OR51B5: variants seen among roughly 807,000 people sequenced by gnomAD.
OR51B5 encodes olfactory receptor 51B5.
For synonymous variants in OR51B5, 186 were observed against 144.8 expected (o/e 1.28, Z -2.04); for missense variants, 456 against 374.6 (o/e 1.22, Z -1.79).
At chr11:5,416,957 C>A (rs1850253940) in intron 1 of OR51B5, among the ~76,000 whole-genome samples, 1 of 146,824 alleles carries the variant, frequency 6.8e-6, no homozygotes. Flanking sequence ...CAAAAAAGAG[C>A]CCGCATCGCC....
At chr11:5,415,858 C>T (rs1267373947) in intron 1 of OR51B5, among the ~76,000 whole-genome samples, 1 of 151,718 alleles carries the variant, frequency 6.6e-6, no homozygotes, top group Non-Finnish European at 1.5e-5. Flanking sequence ...CAAGGAGGAA[C>T]TGGTACCATT....
intron 1 of OR51B5, among the ~76,000 whole-genome samples, chr11:5,420,801 A>AT (rs1850322085): frequency 6.6e-6 from 1 of 152,092 alleles, no homozygotes; most frequent in African/African-American, 2.4e-5. Flanking sequence ...ACTATTGAAT[A>AT]ATTTTTTTTC....
chr11:5,490,379 A>G lies in OR51B5; in HGVS notation n.84+15190T>C, dbSNP rs377573146. 2.0e-5 allele frequency among the ~76,000 whole-genome samples: 3 copies of G among 152,214 alleles called. No homozygotes were observed. In the East Asian group the frequency reaches 5.8e-4, roughly 29 times the overall value. Reference sequence around the variant, plus strand: ...CACATCACAGGGTTATTGTGATAACAATTCTATAATATTTTTAAAGTGCTA... The same window carrying G: ...CACATCACAGGGTTATTGTGATAACGATTCTATAATATTTTTAAAGTGCTA... On this transcript the variant is annotated intron_variant and non_coding_transcript_variant, in intron 1 of 4. Transcript: ENST00000415970.
chr11:5,385,716 A>AAGTATAAG (rs556144697), intron 1 of OR51B5, among the ~76,000 whole-genome samples: 390 of 148,744 alleles, frequency 2.6e-3, no homozygotes, highest in African/African-American at 9.0e-3. Flanking sequence ...AAGTATATAT[A>AAGTATAAG]TGTGTACAAA....
chr11:5,348,219 GATTCTGGAACACATAAGGCAAACA>G (rs752520466), upstream of OR51B5, among the ~76,000 whole-genome samples: 50 of 152,126 alleles, frequency 3.3e-4, no homozygotes, highest in Non-Finnish European at 6.5e-4. Context: ...GTGAAGGATA[GATTCTGGAACACATAAGGCAAACA>G]ATTCTACGAA....
chr11:5,475,886 C>A (rs1823853966), intron 1 of OR51B5, among the ~76,000 whole-genome samples: 1 of 147,174 alleles, frequency 6.8e-6, no homozygotes. Flanking sequence ...CTAGCATACA[C>A]CTATTCAACC....
intron 1 of OR51B5, among the ~76,000 whole-genome samples, chr11:5,458,221 A>C (rs1222432733): frequency 6.6e-6 from 1 of 152,140 alleles, no homozygotes; most frequent in African/African-American, 2.4e-5. Flanking sequence ...GTATTGAATA[A>C]GGAGTCTTTT....
At chr11:5,390,499 T>C (rs1352128945) in intron 1 of OR51B5, 2 of 805,338 alleles carry the variant, frequency 2.5e-6, no homozygotes, top group Non-Finnish European at 3.7e-6. Flanking sequence ...CTAAATAAAA[T>C]ATGGGCAAAT....
intron 1 of OR51B5, chr11:5,453,192 A>T: frequency 4.3e-6 from 1 of 233,762 alleles, no homozygotes; most frequent in Non-Finnish European, 8.2e-6. Flanking sequence ...TGTAGTTTAA[A>T]CATTTTCCTT....
In OR51B5 at chr11:5,470,533, A is replaced by AT. The variant is rs1229128102; in HGVS notation, n.84+35035dup. On this transcript the variant is annotated intron_variant and non_coding_transcript_variant, in intron 1 of 4. Coordinates refer to the OR51B5 transcript ENST00000415970. ...TCTGCTGCCCAGGCTTCTCTTCTCA[A>AT]TATGTATTCACGCAGCCAATTTCCA... Among the ~76,000 whole-genome samples, 8 of 150,584 alleles carry AT rather than the reference A, an allele frequency of 5.3e-5. No homozygotes were observed. In the East Asian group the frequency reaches 1.5e-3, roughly 29 times the overall value.
rs558215658 is a variant in OR51B5 at position 5,490,365 on chromosome 11, G to T, written n.84+15204C>A. On this transcript the variant is annotated intron_variant and non_coding_transcript_variant, in intron 1 of 4. Coordinates refer to the OR51B5 transcript ENST00000415970. ...TTTTTACATTACCTCACATCACAGG[G>T]TTATTGTGATAACAATTCTATAATA... Among the ~76,000 whole-genome samples, 34 of 152,248 alleles carry T rather than the reference G, an allele frequency of 2.2e-4. 3 individuals carry two copies. In the South Asian group the frequency reaches 6.6e-3, roughly 30 times the overall value.
intron 1 of OR51B5, among the ~76,000 whole-genome samples, chr11:5,478,946 T>G (rs1410156693): frequency 7.9e-5 from 12 of 151,196 alleles, no homozygotes; most frequent in Non-Finnish European, 1.8e-4. Context: ...TGCAGGATAT[T>G]ATCCGGGAGA....
chr11:5,446,797 T>C (rs1328210039), intron 1 of OR51B5, among the ~76,000 whole-genome samples: 1 of 152,172 alleles, frequency 6.6e-6, no homozygotes, highest in Non-Finnish European at 1.5e-5. Flanking sequence ...CAGAGCCAAC[T>C]ATAATAGAGT....
chr11:5,434,158 A>T (rs138378130), intron 1 of OR51B5, among the ~76,000 whole-genome samples: 1 of 152,154 alleles, frequency 6.6e-6, no homozygotes, highest in South Asian at 2.1e-4. Context: ...TGTAGTACCT[A>T]ATTATCAATG....
chr11:5,489,430 A>G lies in OR51B5; in HGVS notation n.84+16139T>C, dbSNP rs771133081. 5.6e-6 allele frequency: 9 copies of G among 1,613,834 alleles called. No homozygotes were observed. In the East Asian group the frequency reaches 1.8e-4, roughly 32 times the overall value. On this transcript the variant is annotated intron_variant and non_coding_transcript_variant, in intron 1 of 4. Coordinates refer to the OR51B5 transcript ENST00000415970. ...TCATGATGCCCAGCACAAAGCTCTGAGTACCTGTGGCTCCCACATTGGCAT... is the reference window on the plus strand; with the variant it reads ...TCATGATGCCCAGCACAAAGCTCTGGGTACCTGTGGCTCCCACATTGGCAT...
downstream of OR51B5, chr11:5,342,451 G>A (rs1848909874): frequency 5.4e-6 from 6 of 1,111,326 alleles, no homozygotes; most frequent in Non-Finnish European, 6.2e-6. Context: ...GATACCTTAG[G>A]GAAACTTGAA....
At chr11:5,491,882 C>A (rs1851585891) in intron 1 of OR51B5, among the ~76,000 whole-genome samples, 1 of 152,164 alleles carries the variant, frequency 6.6e-6, no homozygotes, top group Non-Finnish European at 1.5e-5. Flanking sequence ...AGAGCATGTG[C>A]AAATCATTTA....
intron 1 of OR51B5, among the ~76,000 whole-genome samples, chr11:5,486,524 G>A (rs1851501834): frequency 6.6e-6 from 1 of 152,048 alleles, no homozygotes; most frequent in African/African-American, 2.4e-5. Flanking sequence ...GAGCTTCTCT[G>A]GAAACTTCTT....
chr11:5,487,559 C>T (rs1380332575), intron 1 of OR51B5, among the ~76,000 whole-genome samples: 3 of 152,104 alleles, frequency 2.0e-5, no homozygotes, highest in African/African-American at 4.8e-5. Context: ...GTTACAGAAT[C>T]GGGGCTAAAA....
Sources: gnomAD v4.1 joint callset for allele counts (sites outside exome capture counted in the v4.1 genomes callset) on GRCh38, gnomAD v4.1.1 for gene constraint, MANE v1.5 for transcripts, NCBI Gene and HGNC (gene_info 2026-07-23, HGNC 2026-07-21) for gene names.